Variants in RPH3A observed in about 807,000 individuals in gnomAD.
RPH3A encodes rabphilin-3A.
Under a neutral mutation model 102.2 loss-of-function variants are expected in RPH3A, and 48 were observed. That is an observed-to-expected ratio of 0.47 (90% CI 0.37 to 0.60). RPH3A has a LOEUF of 0.60. Ranked by LOEUF, RPH3A falls within the 20% of genes least tolerant of loss-of-function variation. The pLI, the probability that RPH3A is intolerant of heterozygous loss-of-function variation, is 0.00. For missense variants in RPH3A, 781 were observed against 910.1 expected (o/e 0.86, Z 1.83); for synonymous variants, 310 against 324.3 (o/e 0.96, Z 0.47).
intron 4 of RPH3A, among the ~76,000 whole-genome samples, chr12:112,843,658 C>T (rs2042184349): frequency 6.6e-6 from 1 of 152,120 alleles, no homozygotes; most frequent in African/African-American, 2.4e-5. Context: ...GGAATGTGTC[C>T]TTGGAGGGTC....
intron 1 of RPH3A, among the ~76,000 whole-genome samples, chr12:112,781,477 C>G (rs73423102): frequency 0.036 from 5,421 of 152,060 alleles, 295 homozygotes; most frequent in African/African-American, 0.12. Context: ...ATTTTTTTGC[C>G]CAAGCCTCCT....
intron 2 of RPH3A, among the ~76,000 whole-genome samples, chr12:112,809,765 G>A (rs2041536285): frequency 6.6e-6 from 1 of 152,298 alleles, no homozygotes; most frequent in East Asian, 1.9e-4. Flanking sequence ...CCTGTGACAT[G>A]TCTGGAGTTA....
At chr12:112,599,806 C>G (rs946243678) in intron 1 of RPH3A, among the ~76,000 whole-genome samples, 1 of 152,186 alleles carries the variant, frequency 6.6e-6, no homozygotes. Flanking sequence ...CTTAAACTTT[C>G]TTAGGGGTTG....
intron 11 of RPH3A, 105 bp from the exon 12 acceptor site, chr12:112,875,574 C>A: frequency 1.1e-6 from 1 of 946,720 alleles, no homozygotes; most frequent in Non-Finnish European, 1.7e-6. Flanking sequence ...TACCTTTCTG[C>A]CTTCGGGCCT....
intron 1 of RPH3A, among the ~76,000 whole-genome samples, chr12:112,576,601 C>T (rs1413166377): frequency 6.6e-6 from 1 of 152,228 alleles, no homozygotes; most frequent in African/African-American, 2.4e-5. Context: ...GGTTATCCGC[C>T]TGCCTTGGCC....
chr12:112,638,998 A>T, intron 1 of RPH3A, among the ~76,000 whole-genome samples: 1 of 152,124 alleles, frequency 6.6e-6, no homozygotes, highest in East Asian at 1.9e-4. Flanking sequence ...ATGGTAAGTG[A>T]TCATAGCCTA....
intron 1 of RPH3A, among the ~76,000 whole-genome samples, chr12:112,620,551 G>T (rs1242756897): frequency 1.3e-5 from 2 of 152,058 alleles, no homozygotes; most frequent in Non-Finnish European, 2.9e-5. Flanking sequence ...AAAATTTGTT[G>T]TTTCCAGCCT....
upstream of RPH3A, among the ~76,000 whole-genome samples, chr12:112,787,235 A>C (rs1390301797): frequency 6.6e-6 from 1 of 152,224 alleles, no homozygotes; most frequent in African/African-American, 2.4e-5. Flanking sequence ...CACTTAAGGT[A>C]ATCTATTAAC....
intron 4 of RPH3A, among the ~76,000 whole-genome samples, chr12:112,842,903 C>T (rs1484029054): frequency 6.6e-6 from 1 of 152,292 alleles, no homozygotes; most frequent in South Asian, 2.1e-4. Context: ...AACTGAGGTG[C>T]AGAGTAGAGC....
intron 1 of RPH3A, among the ~76,000 whole-genome samples, chr12:112,736,024 C>A (rs545642959): frequency 6.6e-6 from 1 of 152,208 alleles, no homozygotes; most frequent in Non-Finnish European, 1.5e-5. Flanking sequence ...GTTCCCTCTG[C>A]CTGGAATGCT....
At chr12:112,842,153 C>A (rs2042158242) in intron 4 of RPH3A, among the ~76,000 whole-genome samples, 1 of 152,220 alleles carries the variant, frequency 6.6e-6, no homozygotes, top group Non-Finnish European at 1.5e-5. Flanking sequence ...ACATTCTATT[C>A]ATTCATTCTT....
chr12:112,688,451 T>A (rs1318081122), intron 1 of RPH3A, among the ~76,000 whole-genome samples: 1 of 152,174 alleles, frequency 6.6e-6, no homozygotes, highest in Non-Finnish European at 1.5e-5. Context: ...CCTCAAGGAT[T>A]GTGACTTTTA....
At chr12:112,619,572 C>T (rs1002307718) in intron 1 of RPH3A, among the ~76,000 whole-genome samples, 2 of 152,080 alleles carry the variant, frequency 1.3e-5, no homozygotes, top group Non-Finnish European at 2.9e-5. Flanking sequence ...CGTGAGCTAC[C>T]GTGCCTGGCC....
intron 1 of RPH3A, among the ~76,000 whole-genome samples, chr12:112,732,912 G>A (rs561736778): frequency 6.6e-6 from 1 of 152,142 alleles, no homozygotes; most frequent in African/African-American, 2.4e-5. Flanking sequence ...AGGATTAAAA[G>A]GTAATTGGAC....
At chr12:112,766,508 A>T (rs966674365) in intron 1 of RPH3A, among the ~76,000 whole-genome samples, 61 of 152,046 alleles carry the variant, frequency 4.0e-4, no homozygotes, top group African/African-American at 1.3e-3. Flanking sequence ...GGGAATAGAG[A>T]AAAGGGATCA....
chr12:112,868,749 A>C, intron 8 of RPH3A, 154 bp downstream of exon 8: 10 of 743,274 alleles, frequency 1.3e-5, no homozygotes, highest in Non-Finnish European at 1.7e-5. Flanking sequence ...TCTCCTTCAG[A>C]GTTCACCATA....
chr12:112,664,201 T>C (rs981946947), intron 1 of RPH3A, among the ~76,000 whole-genome samples: 1 of 152,042 alleles, frequency 6.6e-6, no homozygotes, highest in Non-Finnish European at 1.5e-5. Flanking sequence ...GGCTTAAGCA[T>C]GGAGTACATG....
chr12:112,661,328 A>G (rs772752777), intron 1 of RPH3A, among the ~76,000 whole-genome samples: 1 of 152,096 alleles, frequency 6.6e-6, no homozygotes, highest in Non-Finnish European at 1.5e-5. Flanking sequence ...TCTACTACTC[A>G]CTTGATAGAT....
At position 112,842,513 on chromosome 12, in the gene RPH3A, C is replaced by T. The variant is rs991855491; in HGVS notation, c.84-5183C>T. ...AGAAAAGGAATCAGAGCTATATGAC[C>T]CCAAAGCCTACTCCTGCGTCCCCTC... On this transcript the variant is annotated intron_variant, in intron 4 of 21. Transcript: ENST00000389385. Among the ~76,000 whole-genome samples the T allele has an allele frequency of 4.6e-5, 7 of 152,146 alleles. No individual in the cohort carries two copies. The East Asian group carries it at 1.2e-3, about 25-fold the overall frequency.
Sources: allele counts gnomAD v4.1 joint callset (sites outside exome capture counted in the v4.1 genomes callset), GRCh38; gene constraint gnomAD v4.1.1; transcripts MANE v1.5; gene names NCBI Gene and HGNC (gene_info 2026-07-23, HGNC 2026-07-21).